CENPP: variants seen among roughly 807,000 people sequenced by gnomAD.
The protein encoded by CENPP is centromere protein P.
A neutral mutation model predicts 35.6 loss-of-function variants in CENPP; 24 were observed. The ratio of observed to expected loss-of-function variants is 0.67; its 90% confidence interval spans 0.49 to 0.95. The LOEUF (loss-of-function observed/expected upper bound fraction) is 0.95, where lower values mean the gene tolerates loss of function less well. Among genes scored for constraint, CENPP ranks in the 40% least tolerant of loss-of-function variants. CENPP has a pLI of 0.00. For synonymous variants in CENPP, 120 were observed against 125.5 expected (o/e 0.96, Z 0.29); for missense variants, 332 against 345.3 (o/e 0.96, Z 0.31).
intron 4 of CENPP, among the ~76,000 whole-genome samples, chr9:92,370,059 C>T (rs1441967556): frequency 6.6e-6 from 1 of 152,136 alleles, no homozygotes; most frequent in African/African-American, 2.4e-5. Context: ...GCTTTTTCTG[C>T]ATCAATTGAG....
chr9:92,531,344 T>C (rs1044775236), intron 5 of CENPP, among the ~76,000 whole-genome samples: 9 of 152,184 alleles, frequency 5.9e-5, no homozygotes, highest in Non-Finnish European at 1.3e-4. Flanking sequence ...TACCTTTACC[T>C]CTTCCTGGAC....
At chr9:92,574,470 A>G (rs1460461971) in intron 5 of CENPP, among the ~76,000 whole-genome samples, 2 of 152,216 alleles carry the variant, frequency 1.3e-5, no homozygotes, top group African/African-American at 4.8e-5. Context: ...TTACAAAAAC[A>G]ATTTTGTTAC....
intron 5 of CENPP, among the ~76,000 whole-genome samples, chr9:92,597,258 A>G (rs939676509): frequency 6.6e-6 from 1 of 152,150 alleles, no homozygotes; most frequent in Non-Finnish European, 1.5e-5. Flanking sequence ...GGATTGAATG[A>G]GCTATAGTGC....
At chr9:92,570,090 G>A (rs1190028039) in intron 5 of CENPP, among the ~76,000 whole-genome samples, 1 of 152,082 alleles carries the variant, frequency 6.6e-6, no homozygotes, top group Non-Finnish European at 1.5e-5. Context: ...CCGCCTGATT[G>A]CTCTGGCCAG....
At chr9:92,344,334 C>T (rs1048795678) in intron 3 of CENPP, among the ~76,000 whole-genome samples, 2 of 152,190 alleles carry the variant, frequency 1.3e-5, no homozygotes, top group African/African-American at 4.8e-5. Context: ...CATGTATCTA[C>T]ACATACTTGA....
At chr9:92,404,656 G>T (rs1369367132) in intron 5 of CENPP, 1 of 1,256,086 alleles carries the variant, frequency 8.0e-7, no homozygotes, top group South Asian at 1.4e-5. Flanking sequence ...TTTCCATGTG[G>T]TAGAGATCTT....
At chr9:92,447,413 G>A (rs1245866301) in intron 5 of CENPP, among the ~76,000 whole-genome samples, 1 of 151,960 alleles carries the variant, frequency 6.6e-6, no homozygotes, top group Non-Finnish European at 1.5e-5. Flanking sequence ...CACATGTGTG[G>A]TTCATAATAG....
intron 5 of CENPP, among the ~76,000 whole-genome samples, chr9:92,509,608 C>A (rs1443834238): frequency 6.6e-6 from 1 of 152,154 alleles, no homozygotes; most frequent in Admixed American, 6.5e-5. Flanking sequence ...TAGCGTAATT[C>A]TTCAGATATT....
chr9:92,382,893 T>A (rs973175381), intron 5 of CENPP, among the ~76,000 whole-genome samples: 2,181 of 26,638 alleles, frequency 0.082, 23 homozygotes, highest in Non-Finnish European at 0.15. Flanking sequence ...ACTGTTTTCC[T>A]TTTTTTTTTT....
At chr9:92,575,680 C>T (rs1010813444) in intron 5 of CENPP, among the ~76,000 whole-genome samples, 4 of 152,044 alleles carry the variant, frequency 2.6e-5, no homozygotes, top group South Asian at 4.1e-4. Context: ...GGCATGATGG[C>T]GTACACCTGT....
intron 5 of CENPP, among the ~76,000 whole-genome samples, chr9:92,551,213 T>C (rs1212219615): frequency 6.6e-6 from 1 of 152,174 alleles, no homozygotes; most frequent in Non-Finnish European, 1.5e-5. Context: ...CCAGGAATTA[T>C]CATGAGTGGA....
At chr9:92,495,444 C>A (rs575274402) in intron 5 of CENPP, 2 of 985,010 alleles carry the variant, frequency 2.0e-6, no homozygotes, top group African/African-American at 3.5e-5. Context: ...GATGCTATGA[C>A]CAGTGGTGCA....
chr9:92,352,861 A>G (rs1841499887), intron 4 of CENPP, among the ~76,000 whole-genome samples: 1 of 151,912 alleles, frequency 6.6e-6, no homozygotes, highest in South Asian at 2.1e-4. Context: ...ACCCTCACAG[A>G]CGCACCCAGG....
intron 5 of CENPP, among the ~76,000 whole-genome samples, chr9:92,392,049 G>T (rs1435623003): frequency 6.6e-6 from 1 of 151,948 alleles, no homozygotes; most frequent in Non-Finnish European, 1.5e-5. Context: ...ACAATATTAG[G>T]AGTCTAGAAA....
intron 5 of CENPP, chr9:92,464,573 A>G (rs547937047): frequency 3.5e-4 from 151 of 431,682 alleles, no homozygotes; most frequent in Non-Finnish European, 5.5e-4. Flanking sequence ...CTCTTGCCCC[A>G]TCTATCTTTC....
intron 5 of CENPP, among the ~76,000 whole-genome samples, chr9:92,569,481 A>G (rs1460162619): frequency 2.0e-5 from 3 of 152,180 alleles, no homozygotes; most frequent in African/African-American, 4.8e-5. Flanking sequence ...TGGTTACTGT[A>G]GCCTTGTAGT....
intron 4 of CENPP, among the ~76,000 whole-genome samples, chr9:92,379,479 A>G (rs1256825392): frequency 4.6e-5 from 7 of 152,210 alleles, no homozygotes; most frequent in Admixed American, 1.3e-4. Flanking sequence ...TCTTTATTAT[A>G]CTACAGTCAT....
intron 5 of CENPP, among the ~76,000 whole-genome samples, chr9:92,380,331 T>G (rs1268648102): frequency 6.6e-6 from 1 of 152,220 alleles, no homozygotes; most frequent in Non-Finnish European, 1.5e-5. Flanking sequence ...AGTACTTCCT[T>G]TTATTCCCTT....
chr9:92,472,304 C>T (rs886720480), intron 5 of CENPP, among the ~76,000 whole-genome samples: 3 of 151,958 alleles, frequency 2.0e-5, no homozygotes, highest in African/African-American at 7.2e-5. Context: ...TTGCAGTGAG[C>T]CAAGATAGTG....
Sources: allele counts gnomAD v4.1 joint callset (sites outside exome capture counted in the v4.1 genomes callset), GRCh38; gene constraint gnomAD v4.1.1; transcripts MANE v1.5; gene names NCBI Gene and HGNC (gene_info 2026-07-23, HGNC 2026-07-21).